The following SLC4A8 variants were observed in gnomAD, a reference collection of about 807,000 sequenced individuals.
SLC4A8 encodes solute carrier family 4 member 8.
Under a neutral mutation model 125.0 loss-of-function variants are expected in SLC4A8, and 40 were observed. That is an observed-to-expected ratio of 0.32 (90% CI 0.25 to 0.42). SLC4A8 has a LOEUF of 0.42. Ranked by LOEUF, SLC4A8 falls within the 10% of genes least tolerant of loss-of-function variation. The pLI, the probability that SLC4A8 is intolerant of heterozygous loss-of-function variation, is 1.00. For synonymous variants in SLC4A8, 456 were observed against 476.0 expected (o/e 0.96, Z 0.55); for missense variants, 863 against 1,355.1 (o/e 0.64, Z 5.70).
At chr12:51,471,650 A>G in intron 14 of SLC4A8, 118 bp downstream of exon 14, 1 of 1,152,876 alleles carries the variant, frequency 8.7e-7, no homozygotes, top group Admixed American at 2.3e-5. Flanking sequence ...GCCCTTTAGG[A>G]AACGGATCTC....
In SLC4A8 at chr12:51,488,570, C is replaced by T. The variant is rs61933301; in HGVS notation, c.2287-129C>T. On this transcript the variant is annotated intron_variant, in intron 17 of 24. Coordinates refer to ENST00000453097, the MANE Select transcript of SLC4A8 (RefSeq NM_001039960.3). ...TCCTAAGGAGTTGCTGTATTTCATGCCTTTTTTTTTTTTTTTTAAGAACCT... is the reference window on the plus strand; with the variant it reads ...TCCTAAGGAGTTGCTGTATTTCATGTCTTTTTTTTTTTTTTTTAAGAACCT... 13 of 616,660 alleles carry T rather than the reference C, an allele frequency of 2.1e-5. No homozygotes were observed. In the South Asian group the frequency reaches 3.4e-4, roughly 16 times the overall value. 38.2% of individuals were successfully genotyped at this position (616,660 alleles called of 1,614,324 possible).
chr12:51,433,919 A>G (rs931076024), intron 1 of SLC4A8, among the ~76,000 whole-genome samples: 10 of 137,504 alleles, frequency 7.3e-5, no homozygotes, highest in Non-Finnish European at 1.2e-4. Context: ...TCCGTTGGCC[A>G]TGCTGGAGTT....
At chr12:51,450,585 A>G in intron 2 of SLC4A8, 1 of 336,260 alleles carries the variant, frequency 3.0e-6, no homozygotes, top group South Asian at 4.5e-5. Context: ...TGTCATTGTC[A>G]TAACAATAAC....
intron 1 of SLC4A8, among the ~76,000 whole-genome samples, chr12:51,439,298 C>T: frequency 6.6e-6 from 1 of 152,164 alleles, no homozygotes; most frequent in East Asian, 1.9e-4. Flanking sequence ...CTCAGGTGAT[C>T]ACCTGCCTTG....
At chr12:51,495,720 G>A (rs1027681581) in intron 21 of SLC4A8, among the ~76,000 whole-genome samples, 1 of 151,772 alleles carries the variant, frequency 6.6e-6, no homozygotes, top group Non-Finnish European at 1.5e-5. Context: ...GACCTCAGGT[G>A]ATCCACCCGT....
chr12:51,501,108 C>T (rs547872766), intron 22 of SLC4A8, among the ~76,000 whole-genome samples: 13 of 152,116 alleles, frequency 8.5e-5, no homozygotes, highest in Non-Finnish European at 1.9e-4. Context: ...GGATTATAGG[C>T]GTGAGCCACC....
chr12:51,482,435 G>A (rs1951055259), intron 16 of SLC4A8, among the ~76,000 whole-genome samples: 2 of 152,106 alleles, frequency 1.3e-5, no homozygotes, highest in South Asian at 4.2e-4. Flanking sequence ...GCTGAGTACA[G>A]TGGCACAATC....
Position 51,488,728 on chromosome 12 carries a change from T to G in SLC4A8, c.2316T>G (p.Ile772Met). The G allele has an allele frequency of 6.2e-7, 1 of 1,613,962 alleles. No individual in the cohort carries two copies. The highest frequency in any genetic ancestry group is 8.5e-7 in the Non-Finnish European group (1 of 1,179,826). ...KPTRDDRGWI[I>M]NPIGPNPWWT... ...CAAGGGATGATCGCGGATGGATTATTAATCCCATTGGCCCCAATCCCTGGT... is the reference window on the plus strand; with the variant it reads ...CAAGGGATGATCGCGGATGGATTATGAATCCCATTGGCCCCAATCCCTGGT... The change falls in exon 18 of 25, where the codon ATT (isoleucine) becomes ATG (methionine). Residue 772 changes from isoleucine (I) to methionine (M), a missense_variant. By Grantham distance (10) the Ile-to-Met change is conservative. Transcript: ENST00000453097.
chr12:51,475,029 A>G lies in SLC4A8; in HGVS notation c.2011-16A>G. 6.2e-7 allele frequency: 1 copy of G among 1,611,488 alleles called. No individual in the cohort carries two copies. Among genetic ancestry groups the G allele is most frequent in the South Asian group, 1.1e-5 (1 of 90,624 alleles). On this transcript the variant is annotated splice_polypyrimidine_tract_variant and intron_variant, in intron 15 of 24. Transcript: ENST00000453097. ...TTGTGTCTGCCTTTCATCACCCAGA[A>G]TGCTTATTCCTCCAGGAATGCCAGG...
At chr12:51,426,183 ACT>A (rs1010591823) in intron 1 of SLC4A8, among the ~76,000 whole-genome samples, 4 of 151,992 alleles carry the variant, frequency 2.6e-5, no homozygotes, top group African/African-American at 9.7e-5. Flanking sequence ...TCAGACACTG[ACT>A]CTCTCCTCTT....
Position 51,469,690 on chromosome 12 carries a change from T to C in SLC4A8, c.1426T>C (p.Leu476=). 4.3e-6 allele frequency: 7 copies of C among 1,613,966 alleles called. No individual in the cohort carries two copies. Among genetic ancestry groups the C allele is most frequent in the Non-Finnish European group, 5.9e-6 (7 of 1,179,950 alleles). ...GAGCGACTACCGAGATGCACTCAGC[T>C]TACAGTGTTTGGCTTCCTTTCTGTT... ...YWSDYRDALS[L]QCLASFLFLY... is the part of the protein sequence containing the mutation. Residue 476 remains leucine, a synonymous_variant, in exon 12 of 25, where the codon TTA becomes CTA. Coordinates refer to ENST00000453097, the MANE Select transcript of SLC4A8 (RefSeq NM_001039960.3).
In SLC4A8 at chr12:51,515,465, A is replaced by G. The variant is rs1259486049; in HGVS notation, c.*8027A>G. The G allele has an allele frequency of 6.6e-6, 1 of 152,182 alleles. No individual in the cohort carries two copies. The highest frequency in any genetic ancestry group is 1.5e-5 in the Non-Finnish European group (1 of 68,036). The allele number at this position is 152,182 out of a possible 1,614,324, so 9.4% of individuals were successfully genotyped here. A position where few individuals can be genotyped will look rare whatever the true frequency, so the allele number is the denominator to read the frequency against. ...TATGTTCTTCTTTCTAGTGGGTCTC[A>G]TGTAGAGATAGAGATATTTTTTTGT... is the stretch of plus-strand genomic sequence containing the variant. On this transcript the variant is annotated 3_prime_UTR_variant, in exon 25 of 25. Coordinates refer to ENST00000453097, the MANE Select transcript of SLC4A8 (RefSeq NM_001039960.3).
At chr12:51,416,194 T>C (rs1413955151) in intron 1 of SLC4A8, among the ~76,000 whole-genome samples, 1 of 149,470 alleles carries the variant, frequency 6.7e-6, no homozygotes, top group Admixed American at 6.7e-5. Flanking sequence ...AATTTGCCTG[T>C]TTGATGGAGG....
chr12:51,491,068 T>C (rs572100551), intron 19 of SLC4A8, among the ~76,000 whole-genome samples: 2 of 152,024 alleles, frequency 1.3e-5, no homozygotes, highest in Non-Finnish European at 2.9e-5. Flanking sequence ...CGAAGAAACC[T>C]GTTAGGTTTC....
intron 17 of SLC4A8, among the ~76,000 whole-genome samples, chr12:51,486,183 A>G (rs554040485): frequency 3.3e-5 from 5 of 152,342 alleles, no homozygotes; most frequent in African/African-American, 1.2e-4. Flanking sequence ...TAATATTTAA[A>G]CAATGGAATG....
chr12:51,463,573 T>C, intron 10 of SLC4A8, 41 bp from the exon 11 acceptor site: 1 of 1,472,650 alleles, frequency 6.8e-7, no homozygotes, highest in Non-Finnish European at 9.5e-7. Context: ...GACGAAAAGA[T>C]AGATGTTACC....
rs1392934336 is a variant in SLC4A8, at chr12:51,510,007, C to A, written c.*2569C>A. On this transcript the variant is annotated 3_prime_UTR_variant, in exon 25 of 25. Coordinates refer to ENST00000453097, the MANE Select transcript of SLC4A8 (RefSeq NM_001039960.3). Reference sequence around the variant, plus strand: ...CGGTTGCCTCCGTACAGTTGCAGTTCACCTTTGTGCATGGTGATTACCAGT... The same window carrying A: ...CGGTTGCCTCCGTACAGTTGCAGTTAACCTTTGTGCATGGTGATTACCAGT... 6.6e-6 allele frequency: 1 copy of A among 152,290 alleles called. No homozygotes were observed. The highest frequency in any genetic ancestry group is 1.5e-5 in the Non-Finnish European group (1 of 68,066). The allele number at this position is 152,290 out of a possible 1,614,324, so 9.4% of individuals were successfully genotyped here.
intron 11 of SLC4A8, among the ~76,000 whole-genome samples, chr12:51,467,730 T>C (rs145655063): frequency 1.3e-5 from 2 of 152,362 alleles, no homozygotes; most frequent in African/African-American, 4.8e-5. Flanking sequence ...CATCAACTAT[T>C]ACCAACATTT....
chr12:51,419,588 A>G (rs951131395), intron 1 of SLC4A8, among the ~76,000 whole-genome samples: 3 of 152,188 alleles, frequency 2.0e-5, no homozygotes, highest in African/African-American at 7.2e-5. Flanking sequence ...TCCCATCTGA[A>G]TCTGGAAGTC....
Sources: gnomAD v4.1 joint callset for allele counts (sites outside exome capture counted in the v4.1 genomes callset) on GRCh38, gnomAD v4.1.1 for gene constraint, MANE v1.5 for transcripts, NCBI Gene and HGNC (gene_info 2026-07-23, HGNC 2026-07-21) for gene names.